The following UBAC2 variants were observed in gnomAD, a reference collection of about 807,000 sequenced individuals.
UBAC2 encodes the protein UBA domain containing 2.
In UBAC2, 26 loss-of-function variants were observed where a neutral mutation model predicts 44.0. The observed-to-expected ratio is 0.59, with a 90% CI of 0.43 to 0.82. UBAC2 has a LOEUF of 0.82. UBAC2 is among the 40% of genes least tolerant of loss of function. The pLI is 0.00. For missense variants in UBAC2, 329 were observed against 419.4 expected (o/e 0.78, Z 1.88); for synonymous variants, 155 against 154.3 (o/e 1.00, Z -0.04).
At chr13:99,247,195 G>GTT (rs397947831) in intron 4 of UBAC2, among the ~76,000 whole-genome samples, 3,038 of 95,278 alleles carry the variant, frequency 0.032, 97 homozygotes, top group African/African-American at 0.071. Context: ...GAAAACTACT[G>GTT]TTTTTTTTTT....
At chr13:99,302,681 G>A (rs1306814606) in intron 4 of UBAC2, among the ~76,000 whole-genome samples, 1 of 152,166 alleles carries the variant, frequency 6.6e-6, no homozygotes, top group Non-Finnish European at 1.5e-5. Flanking sequence ...AATGGACAGT[G>A]GGAAACATGC....
chr13:99,286,231 G>T (rs1014750977), intron 4 of UBAC2, among the ~76,000 whole-genome samples: 4 of 152,208 alleles, frequency 2.6e-5, no homozygotes, highest in African/African-American at 9.7e-5. Context: ...CTAATCAAAA[G>T]AATGTAACAT....
intron 1 of UBAC2, among the ~76,000 whole-genome samples, chr13:99,219,496 G>A (rs1461108392): frequency 6.6e-6 from 1 of 152,114 alleles, no homozygotes; most frequent in East Asian, 1.9e-4. Context: ...TGTCCACCCT[G>A]CAGCCCATGG....
intron 7 of UBAC2, among the ~76,000 whole-genome samples, chr13:99,344,772 C>T (rs1265268523): frequency 6.6e-6 from 1 of 152,206 alleles, no homozygotes; most frequent in African/African-American, 2.4e-5. Context: ...GCCACGTGCT[C>T]CTCGTGTGGC....
chr13:99,379,928 A>G (rs1008198187), intron 8 of UBAC2, among the ~76,000 whole-genome samples: 8 of 152,242 alleles, frequency 5.3e-5, no homozygotes, highest in African/African-American at 1.4e-4. Flanking sequence ...AAAAAAGCAC[A>G]GTGAGTGACG....
At chr13:99,217,135 T>C (rs2043006014) in intron 1 of UBAC2, among the ~76,000 whole-genome samples, 1 of 152,150 alleles carries the variant, frequency 6.6e-6, no homozygotes, top group Non-Finnish European at 1.5e-5. Context: ...CTGGCCTCTT[T>C]CCTCGTTTTC....
At chr13:99,282,689 T>C (rs1328772653) in intron 4 of UBAC2, among the ~76,000 whole-genome samples, 1 of 152,236 alleles carries the variant, frequency 6.6e-6, no homozygotes, top group East Asian at 1.9e-4. Flanking sequence ...ACTTGAAGTC[T>C]GGTTGTATTC....
rs1471184960 is a variant in UBAC2 at position 99,340,358 on chromosome 13, G to A, written c.600G>A (p.Val200=). The part of the protein sequence containing the change: ...GLCYDSKMFQ[V]HQVLCIPSWM... ...GCTACGACAGCAAAATGTTCCAGGT[G>A]CATCAGGTGCTCTGCATCCCCAGCT... Residue 200 remains valine, a synonymous_variant, in exon 7 of 9, where the codon GTG becomes GTA. Transcript: ENST00000403766. 7 of 1,614,096 alleles carry A rather than the reference G, an allele frequency of 4.3e-6. No individual in the cohort carries two copies. The African/African-American group carries it at 9.3e-5, about 22-fold the overall frequency.
intron 7 of UBAC2, among the ~76,000 whole-genome samples, chr13:99,343,086 C>G (rs1486280294): frequency 1.3e-5 from 2 of 152,178 alleles, no homozygotes; most frequent in African/African-American, 4.8e-5. Context: ...GTCTGGCATG[C>G]CTGCTTCTGC....
At chr13:99,204,616 A>G (rs2042845659) in intron 1 of UBAC2, among the ~76,000 whole-genome samples, 1 of 152,152 alleles carries the variant, frequency 6.6e-6, no homozygotes, top group Non-Finnish European at 1.5e-5. Flanking sequence ...AGACAATTTC[A>G]GGGGAGAGTG....
intron 7 of UBAC2, among the ~76,000 whole-genome samples, chr13:99,358,679 C>A (rs1202579536): frequency 2.0e-5 from 3 of 152,122 alleles, no homozygotes; most frequent in Non-Finnish European, 4.4e-5. Flanking sequence ...TGGAGCCACC[C>A]CGGCCATGGA....
chr13:99,220,707 G>C (rs538500537), intron 1 of UBAC2, among the ~76,000 whole-genome samples: 2 of 152,056 alleles, frequency 1.3e-5, no homozygotes, highest in Non-Finnish European at 2.9e-5. Context: ...CCTTCTGTTT[G>C]ATCTCTGCTT....
intron 1 of UBAC2, chr13:99,215,624 T>C (rs747592554): frequency 1.8e-5 from 24 of 1,322,596 alleles, no homozygotes; most frequent in Admixed American, 1.8e-4. Context: ...CACCCACATG[T>C]CTGTGACCCG....
At chr13:99,201,122 G>T in intron 1 of UBAC2, 183 bp downstream of exon 1, 2 of 1,352,786 alleles carry the variant, frequency 1.5e-6, no homozygotes, top group Non-Finnish European at 1.9e-6. Flanking sequence ...CCCCATTTCG[G>T]CCTGGAGGGG....
chr13:99,280,847 C>G (rs1315190159), intron 4 of UBAC2, among the ~76,000 whole-genome samples: 1 of 152,064 alleles, frequency 6.6e-6, no homozygotes, highest in Non-Finnish European at 1.5e-5. Context: ...CTCTCTCTCT[C>G]TCTCTCTTTC....
intron 1 of UBAC2, among the ~76,000 whole-genome samples, chr13:99,213,501 C>T (rs992510158): frequency 2.6e-5 from 4 of 151,742 alleles, no homozygotes; most frequent in Non-Finnish European, 4.4e-5. Context: ...GTTGGGATTA[C>T]AGGCACCTGC....
At chr13:99,290,728 CAAAA>C (rs35343898) in intron 4 of UBAC2, among the ~76,000 whole-genome samples, 4 of 93,782 alleles carry the variant, frequency 4.3e-5, no homozygotes, top group Admixed American at 2.3e-4. Context: ...GTTTCACCAC[CAAAA>C]AAAAAAAAAA....
rs752238071 is a variant in UBAC2, at chr13:99,347,331, C to T, written c.807+6766C>T. 1.8e-4 allele frequency among the ~76,000 whole-genome samples: 14 copies of T among 79,878 alleles called. No individual in the cohort carries two copies. In the South Asian group the frequency reaches 2.0e-3, roughly 11 times the overall value. The allele number at this position is 79,878 out of a possible 152,430, so 52.4% of individuals were successfully genotyped here. A position where few individuals can be genotyped will look rare whatever the true frequency, so the allele number is the denominator to read the frequency against. ...ACTATCCCCGGGCGCCCCCCCCCCC[C>T]CCCAGGAAAAAAAAGGCAAGTGAAG... On this transcript the variant is annotated intron_variant, in intron 7 of 8. Coordinates refer to ENST00000403766, the MANE Select transcript of UBAC2 (RefSeq NM_001144072.2).
At chr13:99,201,898 C>G (rs2042806055) in intron 1 of UBAC2, among the ~76,000 whole-genome samples, 1 of 151,944 alleles carries the variant, frequency 6.6e-6, no homozygotes, top group Non-Finnish European at 1.5e-5. Flanking sequence ...GGTGAAACCC[C>G]GTCTCTCTAC....
Sources: allele counts gnomAD v4.1 joint callset (sites outside exome capture counted in the v4.1 genomes callset), GRCh38; gene constraint gnomAD v4.1.1; transcripts MANE v1.5; gene names NCBI Gene and HGNC (gene_info 2026-07-23, HGNC 2026-07-21).